AP5M1: variants seen among roughly 807,000 people sequenced by gnomAD.
The protein encoded by AP5M1 is AP-5 complex subunit mu-1.
A neutral mutation model predicts 52.3 loss-of-function variants in AP5M1; 44 were observed. That is an observed-to-expected ratio of 0.84 (90% CI 0.66 to 1.08). AP5M1 has a LOEUF of 1.08. Ranked by LOEUF, AP5M1 falls within the 50% of genes least tolerant of loss-of-function variation. The pLI, the probability that AP5M1 is intolerant of heterozygous loss-of-function variation, is 0.00. For missense variants in AP5M1, 526 were observed against 568.4 expected (o/e 0.93, Z 0.76); for synonymous variants, 213 against 199.0 (o/e 1.07, Z -0.59).
chr14:57,275,406 G>GA (rs945561794), intron 2 of AP5M1: 2 of 143,866 alleles, frequency 1.4e-5, no homozygotes, highest in Non-Finnish European at 3.0e-5. Flanking sequence ...AGGGGTGGGG[G>GA]GGGGAGAGAG....
Position 57,289,714 on chromosome 14 carries a change from G to C in AP5M1, c.*830G>C, listed in dbSNP as rs1007142146. On this transcript the variant is annotated 3_prime_UTR_variant, in exon 8 of 8. Transcript: ENST00000261558. The stretch of plus-strand genomic sequence containing the variant: ...GTAATTTAGACCTAATACTGCTCTT[G>C]CTGTGTCTTATTAAGTTAAAATTAA... 1 of 151,900 alleles carries C rather than the reference G, an allele frequency of 6.6e-6. No individual in the cohort carries two copies. Among genetic ancestry groups the C allele is most frequent in the African/African-American group, 2.4e-5 (1 of 41,364 alleles). 9.4% of individuals were successfully genotyped at this position (151,900 alleles called of 1,614,324 possible).
In AP5M1 at chr14:57,297,052, C is replaced by G. The variant is rs1284155542; in HGVS notation, c.*8168C>G. 6.6e-6 allele frequency: 1 copy of G among 151,916 alleles called. No homozygotes were observed. Among genetic ancestry groups the G allele is most frequent in the East Asian group, 1.9e-4 (1 of 5,180 alleles). The allele number at this position is 151,916 out of a possible 1,614,324, so 9.4% of individuals were successfully genotyped here. A position where few individuals can be genotyped will look rare whatever the true frequency, so the allele number is the denominator to read the frequency against. The stretch of plus-strand genomic sequence containing the variant: ...GGTCTATCTCTAGCAAACAGAATCC[C>G]AGAAACTTGAGCACCTGATATAGCA... On this transcript the variant is annotated 3_prime_UTR_variant, in exon 8 of 8. Coordinates refer to ENST00000261558, the MANE Select transcript of AP5M1 (RefSeq NM_018229.4).
At position 57,287,079 on chromosome 14, in the gene AP5M1, T is replaced by C. The variant is rs192749169; in HGVS notation, c.1390+760T>C. Among the ~76,000 whole-genome samples the C allele has an allele frequency of 1.4e-3, 209 of 152,040 alleles. No individual in the cohort carries two copies. In the South Asian group the frequency reaches 0.016, roughly 11 times the overall value. On this transcript the variant is annotated intron_variant, in intron 7 of 7. Coordinates refer to ENST00000261558, the MANE Select transcript of AP5M1 (RefSeq NM_018229.4). ...ACAATTTATAAATGAATCAAAAGTA[T>C]TTAATTCAGATCAAATAGAAATATG...
chr14:57,272,879 G>T (rs1447723249), intron 1 of AP5M1, among the ~76,000 whole-genome samples: 12 of 151,838 alleles, frequency 7.9e-5, no homozygotes, highest in African/African-American at 2.7e-4. Flanking sequence ...ACTGCTTTTG[G>T]GTTTTTTGTT....
chr14:57,281,841 C>T (rs1035792217), intron 3 of AP5M1, among the ~76,000 whole-genome samples: 1 of 152,114 alleles, frequency 6.6e-6, no homozygotes, highest in Non-Finnish European at 1.5e-5. Flanking sequence ...AACATGGAGA[C>T]GGGGAGCCTG....
chr14:57,280,970 GTTCA>G (rs1429359497), intron 3 of AP5M1, among the ~76,000 whole-genome samples: 1 of 151,918 alleles, frequency 6.6e-6, no homozygotes, highest in Non-Finnish European at 1.5e-5. Context: ...CTAAAAAGGA[GTTCA>G]TGGTCATGGG....
intron 2 of AP5M1, 149 bp downstream of exon 2, chr14:57,275,038 C>T (rs1166139131): frequency 1.2e-6 from 1 of 812,304 alleles, no homozygotes; most frequent in Non-Finnish European, 1.9e-6. Context: ...TTTATGTTAT[C>T]TTTTTGCATT....
In AP5M1 at chr14:57,291,122, T is replaced by C. The variant is rs1885425678; in HGVS notation, c.*2238T>C. On this transcript the variant is annotated 3_prime_UTR_variant, in exon 8 of 8. Coordinates refer to ENST00000261558, the MANE Select transcript of AP5M1 (RefSeq NM_018229.4). ...TAAGAGTCCTTTCTTGGGTTAAAAC[T>C]TCAATCATTTTCTAAAAAATTATCT... is the stretch of plus-strand genomic sequence containing the variant. 2 of 151,954 alleles carry C rather than the reference T, an allele frequency of 1.3e-5. No homozygotes were observed. Among genetic ancestry groups the C allele is most frequent in the African/African-American group, 4.8e-5 (2 of 41,418 alleles). 9.4% of individuals were successfully genotyped at this position (151,954 alleles called of 1,614,324 possible). A position where few individuals can be genotyped will look rare whatever the true frequency, so the allele number is the denominator to read the frequency against.
chr14:57,288,231 CATT>C (rs1885354636), intron 7 of AP5M1, among the ~76,000 whole-genome samples: 1 of 151,524 alleles, frequency 6.6e-6, no homozygotes, highest in African/African-American at 2.4e-5. Flanking sequence ...TCCAAATGAA[CATT>C]ATTATCTCAA....
Position 57,295,079 on chromosome 14 carries a change from C to T in AP5M1, c.*6195C>T, listed in dbSNP as rs548632260. ...GTTCCATCACCATCCTGTGGAAATA[C>T]GTGAGTTGTTCATTTCAGTACACCC... On this transcript the variant is annotated 3_prime_UTR_variant, in exon 8 of 8. Coordinates refer to ENST00000261558, the MANE Select transcript of AP5M1 (RefSeq NM_018229.4). 9.4e-4 allele frequency: 143 copies of T among 151,954 alleles called. 1 individual carries two copies. The highest frequency in any genetic ancestry group is 3.3e-3 in the African/African-American group (136 of 41,520). The allele number at this position is 151,954 out of a possible 1,614,324, so 9.4% of individuals were successfully genotyped here.
In AP5M1 at chr14:57,294,750, T is replaced by C. The variant is rs1260176982; in HGVS notation, c.*5866T>C. On this transcript the variant is annotated 3_prime_UTR_variant, in exon 8 of 8. Transcript: ENST00000261558. ...GGGAAAATAGCTATTTTGAAAGTTA[T>C]TGCAGATGTAGGGAATAGCTTGTTT... is the stretch of plus-strand genomic sequence containing the variant. 6.6e-6 allele frequency: 1 copy of C among 151,914 alleles called. No individual in the cohort carries two copies. The highest frequency in any genetic ancestry group is 1.9e-4 in the East Asian group (1 of 5,194). The allele number at this position is 151,914 out of a possible 1,614,324, so 9.4% of individuals were successfully genotyped here.
chr14:57,281,517 G>GTC (rs1885174228), intron 3 of AP5M1, among the ~76,000 whole-genome samples: 2 of 152,246 alleles, frequency 1.3e-5, no homozygotes, highest in African/African-American at 4.8e-5. Flanking sequence ...GGTCCACCCT[G>GTC]TCTGTCACAT....
chr14:57,283,269 CCTTT>C (rs749227133), intron 6 of AP5M1, 39 bp downstream of exon 6: 17 of 1,165,064 alleles, frequency 1.5e-5, no homozygotes, highest in Admixed American at 8.9e-5. Flanking sequence ...TAGCACCCTT[CCTTT>C]GTTTATAAAT....
chr14:57,283,007 ATC>A lies in AP5M1; in HGVS notation c.1164_1165del (p.Ile388MetfsTer14), dbSNP rs1414737043. ...AGTATTTCGAGAGAAAAGCTTATTG[ATC>A]TGGATTATTGGTGAGCAAGTTTTAT... ...LEVFREKSLLIWIIGQKFPKS... is the reference protein window; with the variant it reads ...LEVFREKSLLXWIIGQKFPKS... On this transcript the variant is annotated frameshift_variant, in exon 5 of 8. Coordinates refer to ENST00000261558, the MANE Select transcript of AP5M1 (RefSeq NM_018229.4). LOFTEE classifies it high-confidence loss of function. 12 of 1,600,016 alleles carry A rather than the reference ATC, an allele frequency of 7.5e-6. No individual in the cohort carries two copies. Among genetic ancestry groups the A allele is most frequent in the Non-Finnish European group, 8.5e-7 (1 of 1,171,782 alleles).
chr14:57,282,288 C>A, intron 4 of AP5M1, 60 bp downstream of exon 4: 1 of 1,284,704 alleles, frequency 7.8e-7, no homozygotes, highest in Non-Finnish European at 1.0e-6. Context: ...TCCACTGTCC[C>A]ACAGTAAATT....
chr14:57,281,019 C>T (rs1261519653), intron 3 of AP5M1, among the ~76,000 whole-genome samples: 2 of 151,758 alleles, frequency 1.3e-5, no homozygotes, highest in Non-Finnish European at 2.9e-5. Flanking sequence ...TGATTTTAAC[C>T]ATGAACATAA....
At chr14:57,282,812 C>T (rs1885215006) in intron 4 of AP5M1, 122 bp from the exon 5 acceptor site, 2 of 572,724 alleles carry the variant, frequency 3.5e-6, no homozygotes, top group Non-Finnish European at 3.1e-6. Context: ...ATTCTGCAAA[C>T]TTGAATACAG....
In AP5M1 at chr14:57,283,156, G is replaced by A. The variant is rs1885226222; in HGVS notation, c.1219G>A (p.Val407Ile). 6.2e-7 allele frequency: 1 copy of A among 1,613,812 alleles called. No homozygotes were observed. Among genetic ancestry groups the A allele is most frequent in the Non-Finnish European group, 8.5e-7 (1 of 1,179,906 alleles). The change falls in exon 6 of 8, where the codon GTA becomes ATA. Residue 407 changes from valine (V) to isoleucine (I), a missense_variant. Coordinates refer to ENST00000261558, the MANE Select transcript of AP5M1 (RefSeq NM_018229.4). ...AATGGAAATTAGTCTTTCTGGAACTGTAACTTTTGGAGCCAAGAGCCATGA... is the reference window on the plus strand; with the variant it reads ...AATGGAAATTAGTCTTTCTGGAACTATAACTTTTGGAGCCAAGAGCCATGA... ...KSMEISLSGT[V>I]TFGAKSHEKQ... is the part of the protein sequence containing the mutation.
intron 2 of AP5M1, chr14:57,278,456 T>G (rs891149416): frequency 3.3e-5 from 5 of 152,244 alleles, no homozygotes; most frequent in African/African-American, 4.8e-5. Flanking sequence ...AAGGACAGGT[T>G]TGAGAGGCTG....
Sources: gnomAD v4.1 joint callset for allele counts (sites outside exome capture counted in the v4.1 genomes callset) on GRCh38, gnomAD v4.1.1 for gene constraint, MANE v1.5 for transcripts, NCBI Gene and HGNC (gene_info 2026-07-23, HGNC 2026-07-21) for gene names.